The following NEFH variants were observed in gnomAD, a reference collection of about 807,000 sequenced individuals.
The protein encoded by NEFH is neurofilament heavy polypeptide.
Under a neutral mutation model 56.6 loss-of-function variants are expected in NEFH, and 58 were observed. The observed-to-expected ratio is 1.03, with a 90% confidence interval of 0.83 to 1.28. The LOEUF (loss-of-function observed/expected upper bound fraction) is 1.28, where lower values mean the gene tolerates loss of function less well. Ranked by LOEUF, NEFH falls within the 50% of genes most tolerant of loss-of-function variation. The pLI, the probability that NEFH is intolerant of heterozygous loss-of-function variation, is 0.00. For missense variants in NEFH, 1,221 were observed against 1,307.6 expected (o/e 0.93, Z 1.02); for synonymous variants, 542 against 545.8 (o/e 0.99, Z 0.10).
chr22:29,485,222 C>A (rs2063037253), intron 2 of NEFH, among the ~76,000 whole-genome samples: 1 of 152,132 alleles, frequency 6.6e-6, no homozygotes, highest in South Asian at 2.1e-4. Context: ...CCTGTCTCAG[C>A]CTCCCAAGTA....
intron 3 of NEFH, among the ~76,000 whole-genome samples, chr22:29,487,883 A>G (rs1193003682): frequency 6.6e-6 from 1 of 152,178 alleles, no homozygotes; most frequent in Non-Finnish European, 1.5e-5. Flanking sequence ...TCCAGTGAGG[A>G]AATTGAGGCT....
chr22:29,489,104 G>A lies in NEFH; in HGVS notation c.1464G>A (p.Gly488=). Residue 488 remains glycine (G), a synonymous_variant, in exon 4 of 4, where the codon GGG becomes GGA. Transcript: ENST00000310624. ...AGGAGGAGGGCAAGGAGGAAGAAGG[G>A]GGTGAAGAAGAGGAGGCAGAAGGGG... ...AKEEEGKEEE[G]GEEEEAEGGE... is the part of the protein sequence containing the mutation. 2 of 1,613,354 alleles carry A rather than the reference G, an allele frequency of 1.2e-6. No individual in the cohort carries two copies. Among genetic ancestry groups the A allele is most frequent in the Non-Finnish European group, 1.7e-6 (2 of 1,179,560 alleles).
chr22:29,488,424 C>T (rs2063056281), intron 3 of NEFH, among the ~76,000 whole-genome samples: 1 of 152,022 alleles, frequency 6.6e-6, no homozygotes, highest in African/African-American at 2.4e-5. Flanking sequence ...GCTCAGGCTC[C>T]CAGGGTTCTC....
Position 29,487,357 on chromosome 22 carries a change from G to A in NEFH, c.1209-1492G>A, listed in dbSNP as rs189670956. ...CAGAAAGATAGTCTCTTGGTTGGGT[G>A]TAGTGACTCATGCCTGTAATCCCAG... On this transcript the variant is annotated intron_variant, in intron 3 of 3. Coordinates refer to ENST00000310624, the MANE Select transcript of NEFH (RefSeq NM_021076.4). Among the ~76,000 whole-genome samples, 755 of 152,120 alleles carry A rather than the reference G, an allele frequency of 5.0e-3. 6 individuals are homozygous for A. The highest frequency in any genetic ancestry group is 4.6e-3 in the Non-Finnish European group (316 of 68,006).
At chr22:29,483,663 G>A in intron 2 of NEFH, 89 bp downstream of exon 2, 1 of 1,336,616 alleles carries the variant, frequency 7.5e-7, no homozygotes, top group Non-Finnish European at 1.1e-6. Context: ...TGGGGTTGTA[G>A]TGGTTAAGAT....
rs756683695 is a variant in NEFH at position 29,490,279 on chromosome 22, C to A, written c.2639C>A (p.Pro880His). 1 of 1,612,564 alleles carries A rather than the reference C, an allele frequency of 6.2e-7. No individual in the cohort carries two copies. Among genetic ancestry groups the A allele is most frequent in the Admixed American group, 1.7e-5 (1 of 59,734 alleles). ...PKPKVEEKKE[P>H]AVEKPKESKV... ...CCCAAGGTGGAGGAGAAGAAGGAAC[C>A]TGCTGTCGAAAAGCCCAAAGAATCC... is the stretch of plus-strand genomic sequence containing the variant. The change falls in exon 4 of 4, where the codon CCT becomes CAT. Residue 880 changes from proline to histidine, a missense_variant. This residue lies in a region of NEFH where 301 missense variants were observed against 346.6 expected (regional missense o/e 0.87). Coordinates refer to ENST00000310624, the MANE Select transcript of NEFH (RefSeq NM_021076.4).
At chr22:29,484,980 G>A (rs1189572474) in intron 2 of NEFH, among the ~76,000 whole-genome samples, 1 of 152,064 alleles carries the variant, frequency 6.6e-6, no homozygotes, top group Non-Finnish European at 1.5e-5. Context: ...GACTATAGGT[G>A]CACATCACCA....
Position 29,483,510 on chromosome 22 carries a change from A to G in NEFH, c.1019A>G (p.Asp340Gly). 6.2e-7 allele frequency: 1 copy of G among 1,613,944 alleles called. No individual in the cohort carries two copies. The highest frequency in any genetic ancestry group is 8.5e-7 in the Non-Finnish European group (1 of 1,180,022). Residue 340 changes from aspartate to glycine, a missense_variant, in exon 2 of 4, where the codon GAC (aspartate) becomes GGC (glycine). Physicochemically the swap from Asp to Gly is moderately conservative, Grantham distance 94. Transcript: ENST00000310624. ...TELEALKSTK[D>G]SLERQRSELE... is the part of the protein sequence containing the mutation. The stretch of plus-strand genomic sequence containing the variant: ...CTGGAGGCACTGAAAAGCACCAAGG[A>G]CTCACTGGAGAGGCAGCGCTCTGAG...
intron 3 of NEFH, among the ~76,000 whole-genome samples, chr22:29,486,641 G>A (rs747407223): frequency 1.5e-4 from 22 of 149,918 alleles, no homozygotes; most frequent in Non-Finnish European, 3.1e-4. Flanking sequence ...TCCTGCCTCA[G>A]CCTCCCGAGT....
chr22:29,486,765 C>T (rs1051929078), intron 3 of NEFH, among the ~76,000 whole-genome samples: 1 of 151,818 alleles, frequency 6.6e-6, no homozygotes, highest in Non-Finnish European at 1.5e-5. Flanking sequence ...TCAGGTGATC[C>T]GCCTACCTCG....
chr22:29,489,118 A>C lies in NEFH; in HGVS notation c.1478A>C (p.Glu493Ala). ...GAGGAAGAAGGGGGTGAAGAAGAGG[A>C]GGCAGAAGGGGGAGAAGAAGAAACA... ...GKEEEGGEEE[E>A]AEGGEEETKS... The change falls in exon 4 of 4, where the codon GAG becomes GCG. Residue 493 changes from glutamate to alanine, a missense_variant. Around this residue, in one of 4 missense-constraint regions of NEFH, gnomAD observed 243 missense variants for 299.1 expected, o/e 0.81. Coordinates refer to ENST00000310624, the MANE Select transcript of NEFH (RefSeq NM_021076.4). 2 of 1,613,456 alleles carry C rather than the reference A, an allele frequency of 1.2e-6. No homozygotes were observed. Among genetic ancestry groups the C allele is most frequent in the Non-Finnish European group, 1.7e-6 (2 of 1,179,640 alleles).
Position 29,490,559 on chromosome 22 carries a change from C to T in NEFH, c.2919C>T (p.Ala973=), listed in dbSNP as rs1369490912. Residue 973 remains alanine (A), a synonymous_variant, in exon 4 of 4, where the codon GCC becomes GCT. Transcript: ENST00000310624. ...CTGAGGAGAAACCCAAGACAGAGGC[C>T]AAAGCCAAGGAAGATGACAAGACCC... ...KKPEEKPKTE[A]KAKEDDKTLS... The T allele has an allele frequency of 6.2e-7, 1 of 1,613,190 alleles. No homozygotes were observed. Among genetic ancestry groups the T allele is most frequent in the Admixed American group, 1.7e-5 (1 of 59,794 alleles).
intron 1 of NEFH, 21 bp downstream of exon 1, chr22:29,481,166 G>T (rs1019029081): frequency 5.9e-6 from 9 of 1,523,714 alleles, no homozygotes; most frequent in Middle Eastern, 2.3e-4. Context: ...GCGCGGGTGG[G>T]GGGAGGGGCG....
At chr22:29,486,162 G>A (rs551511542) in intron 3 of NEFH, among the ~76,000 whole-genome samples, 6 of 151,882 alleles carry the variant, frequency 4.0e-5, no homozygotes, top group African/African-American at 7.2e-5. Context: ...GGGATTACAC[G>A]TGCCCGCCAC....
chr22:29,487,094 G>A (rs1032871491), intron 3 of NEFH, among the ~76,000 whole-genome samples: 19 of 152,130 alleles, frequency 1.2e-4, no homozygotes, highest in African/African-American at 4.6e-4. Context: ...AATCCAGGAA[G>A]CACAGGTACC....
chr22:29,483,305 GA>G (rs1281907708), intron 1 of NEFH, 69 bp from the exon 2 acceptor site: 8 of 1,271,974 alleles, frequency 6.3e-6, no homozygotes, highest in Middle Eastern at 1.9e-4. Flanking sequence ...AAAGAACAAA[GA>G]AAAAAATCTG....
chr22:29,484,596 G>A (rs543290585), intron 2 of NEFH, among the ~76,000 whole-genome samples: 135 of 152,280 alleles, frequency 8.9e-4, no homozygotes, highest in Non-Finnish European at 1.8e-3. Flanking sequence ...ACAGTGAGCC[G>A]AGATCGTGCC....
intron 3 of NEFH, among the ~76,000 whole-genome samples, 154 bp downstream of exon 3, chr22:29,486,001 C>T (rs1466417517): frequency 1.3e-5 from 2 of 152,144 alleles, no homozygotes; most frequent in Non-Finnish European, 2.9e-5. Flanking sequence ...ATACAATTTA[C>T]CATTGAACCA....
At position 29,480,631 on chromosome 22, in the gene NEFH, C is replaced by A; in HGVS notation, c.369C>A (p.Arg123=). The A allele has an allele frequency of 1.3e-6, 2 of 1,564,130 alleles. No individual in the cohort carries two copies. Among genetic ancestry groups the A allele is most frequent in the Non-Finnish European group, 1.7e-6 (2 of 1,164,660 alleles). Residue 123 remains arginine, a synonymous_variant, in exon 1 of 4, where the codon CGC becomes CGA. Coordinates refer to ENST00000310624, the MANE Select transcript of NEFH (RefSeq NM_021076.4). The part of the protein sequence containing the change: ...DKVRQLEAHN[R]SLEGEAAALR... ...TGCGGCAGCTGGAGGCGCACAACCGCAGCCTGGAGGGCGAGGCTGCGGCGC... is the reference window on the plus strand; with the variant it reads ...TGCGGCAGCTGGAGGCGCACAACCGAAGCCTGGAGGGCGAGGCTGCGGCGC...
Sources: allele counts gnomAD v4.1 joint callset (sites outside exome capture counted in the v4.1 genomes callset), GRCh38; gene constraint gnomAD v4.1.1; regional missense constraint gnomAD v4.1.1; transcripts MANE v1.5; gene names NCBI Gene and HGNC (gene_info 2026-07-23, HGNC 2026-07-21).